PHTF2: variants seen among roughly 807,000 people sequenced by gnomAD.
PHTF2 encodes the protein protein PHTF2.
In PHTF2, 60 loss-of-function variants were observed where a neutral mutation model predicts 101.2. That is an observed-to-expected ratio of 0.59 (90% CI 0.48 to 0.73). The LOEUF is 0.73. PHTF2 is among the 30% of genes least tolerant of loss of function. The probability of loss-of-function intolerance (pLI) is 0.00; values close to 1 mark genes in which losing one functional copy is unlikely to be tolerated. For synonymous variants in PHTF2, 311 were observed against 307.3 expected (o/e 1.01, Z -0.13); for missense variants, 747 against 908.7 (o/e 0.82, Z 2.29).
intron 11 of PHTF2, chr7:77,924,221 T>C: frequency 1.5e-6 from 1 of 664,354 alleles, no homozygotes; most frequent in Non-Finnish European, 1.9e-6. Flanking sequence ...TTTATAAATT[T>C]AAATTTATTT....
intron 9 of PHTF2, among the ~76,000 whole-genome samples, chr7:77,910,935 ATT>A (rs1397149951): frequency 6.6e-6 from 1 of 152,020 alleles, no homozygotes; most frequent in African/African-American, 2.4e-5. Flanking sequence ...TTTCTTTTAT[ATT>A]TCTGAAGTAC....
chr7:77,831,817 C>G (rs1299722979), intron 1 of PHTF2, among the ~76,000 whole-genome samples: 1 of 152,164 alleles, frequency 6.6e-6, no homozygotes, highest in Non-Finnish European at 1.5e-5. Context: ...GAAATGCTGG[C>G]TAGGCACAAA....
chr7:77,946,638 G>A (rs1806072752), intron 16 of PHTF2, among the ~76,000 whole-genome samples: 1 of 152,028 alleles, frequency 6.6e-6, no homozygotes, highest in African/African-American at 2.4e-5. Flanking sequence ...TCTGTAAAGG[G>A]CCAGATAAAT....
chr7:77,927,168 A>G (rs1175352390), intron 11 of PHTF2, among the ~76,000 whole-genome samples: 1 of 93,858 alleles, frequency 1.1e-5, no homozygotes, highest in African/African-American at 3.7e-5. Flanking sequence ...AAAAAAAAAA[A>G]AAAAAAAAAA....
chr7:77,842,107 A>G (rs1377991132), intron 2 of PHTF2, among the ~76,000 whole-genome samples: 1 of 152,196 alleles, frequency 6.6e-6, no homozygotes, highest in Non-Finnish European at 1.5e-5. Flanking sequence ...CATTTACCTG[A>G]CAGCTTTGGA....
In PHTF2 at chr7:77,868,294, C is replaced by A. The variant is rs548926911; in HGVS notation, c.147+13460C>A. Among the ~76,000 whole-genome samples, 3 of 150,806 alleles carry A rather than the reference C, an allele frequency of 2.0e-5. No homozygotes were observed. The South Asian group carries it at 6.3e-4, about 32-fold the overall frequency. On this transcript the variant is annotated intron_variant, in intron 3 of 19. Coordinates refer to ENST00000416283, the Ensembl canonical transcript of PHTF2. ...AGTAGCTGGAGCTACAGGCATGCACCACCTCGCAAGTGGCTAATTAAAAAA... is the reference window on the plus strand; with the variant it reads ...AGTAGCTGGAGCTACAGGCATGCACAACCTCGCAAGTGGCTAATTAAAAAA...
At chr7:77,872,728 T>C (rs1798619886) in intron 3 of PHTF2, among the ~76,000 whole-genome samples, 1 of 152,214 alleles carries the variant, frequency 6.6e-6, no homozygotes, top group Non-Finnish European at 1.5e-5. Flanking sequence ...TCACAAGGCA[T>C]TGGTCAAGAG....
intron 1 of PHTF2, among the ~76,000 whole-genome samples, chr7:77,825,324 C>A (rs751830688): frequency 6.6e-6 from 1 of 152,130 alleles, no homozygotes; most frequent in Non-Finnish European, 1.5e-5. Flanking sequence ...AAAGAGGAAG[C>A]CTACAAAATA....
intron 16 of PHTF2, among the ~76,000 whole-genome samples, chr7:77,946,593 T>A (rs1178265718): frequency 6.6e-6 from 1 of 152,228 alleles, no homozygotes; most frequent in Non-Finnish European, 1.5e-5. Context: ...TAAAAATTAA[T>A]TTTGTTTCTA....
intron 5 of PHTF2, among the ~76,000 whole-genome samples, chr7:77,897,837 C>T (rs1584636022): frequency 1.3e-5 from 2 of 152,114 alleles, no homozygotes. Flanking sequence ...CCCGCTACCA[C>T]GCCTGACTAA....
intron 3 of PHTF2, among the ~76,000 whole-genome samples, chr7:77,855,873 T>C (rs1385866912): frequency 6.6e-6 from 1 of 152,220 alleles, no homozygotes; most frequent in Non-Finnish European, 1.5e-5. Flanking sequence ...AGGGGTGGTG[T>C]TGACAATTCA....
At chr7:77,939,320 A>G (rs1377993531) in intron 13 of PHTF2, among the ~76,000 whole-genome samples, 1 of 152,180 alleles carries the variant, frequency 6.6e-6, no homozygotes, top group Non-Finnish European at 1.5e-5. Context: ...AGAGAAATGT[A>G]AGCGGCTGGG....
chr7:77,928,590 C>T (rs1362483527), intron 11 of PHTF2, among the ~76,000 whole-genome samples: 1 of 152,148 alleles, frequency 6.6e-6, no homozygotes, highest in Non-Finnish European at 1.5e-5. Context: ...CAAGGATTCT[C>T]AAATCTCACA....
chr7:77,933,829 G>A (rs1269570527), intron 12 of PHTF2, among the ~76,000 whole-genome samples: 1 of 151,632 alleles, frequency 6.6e-6, no homozygotes, highest in Non-Finnish European at 1.5e-5. Context: ...TGCCAATTAG[G>A]CCTTTCTTAA....
chr7:77,936,517 T>C (rs2150963180), intron 12 of PHTF2, among the ~76,000 whole-genome samples: 1 of 150,032 alleles, frequency 6.7e-6, no homozygotes, highest in East Asian at 2.0e-4. Flanking sequence ...TCTACAAAAA[T>C]TTAAAGATTA....
At position 77,910,479 on chromosome 7, in the gene PHTF2, G is replaced by A. The variant is rs1023832703; in HGVS notation, c.776+70G>A. 3.0e-5 allele frequency: 32 copies of A among 1,057,724 alleles called. 1 individual carries two copies. The South Asian group carries it at 4.8e-4, about 16-fold the overall frequency. 65.5% of individuals were successfully genotyped at this position (1,057,724 alleles called of 1,614,324 possible). A position where few individuals can be genotyped will look rare whatever the true frequency, so the allele number is the denominator to read the frequency against. ...TCCTTTTTCTGGCACTTCAGTCTCAGGTAATGAATATTAATTACTTTAAAT... is the reference window on the plus strand; with the variant it reads ...TCCTTTTTCTGGCACTTCAGTCTCAAGTAATGAATATTAATTACTTTAAAT... On this transcript the variant is annotated intron_variant, in intron 9 of 19. Transcript: ENST00000416283.
intron 2 of PHTF2, among the ~76,000 whole-genome samples, chr7:77,847,945 G>A (rs992017228): frequency 2.0e-5 from 3 of 152,056 alleles, no homozygotes; most frequent in African/African-American, 7.2e-5. Context: ...CCACAAATTA[G>A]TGAGAACCTG....
chr7:77,919,226 A>G (rs1259081692), intron 9 of PHTF2, among the ~76,000 whole-genome samples: 1 of 152,238 alleles, frequency 6.6e-6, no homozygotes, highest in African/African-American at 2.4e-5. Context: ...GGTCCTGCTC[A>G]GTTCTAAAAT....
chr7:77,945,778 T>C (rs1485298996), intron 16 of PHTF2, among the ~76,000 whole-genome samples: 1 of 152,154 alleles, frequency 6.6e-6, no homozygotes, highest in Admixed American at 6.5e-5. Context: ...ACTCAAAAAG[T>C]AATTGAAAAC....
Sources: gnomAD v4.1 joint callset for allele counts (sites outside exome capture counted in the v4.1 genomes callset) on GRCh38, gnomAD v4.1.1 for gene constraint, MANE v1.5 for transcripts, NCBI Gene and HGNC (gene_info 2026-07-23, HGNC 2026-07-21) for gene names.